STPG2: variants seen among roughly 807,000 people sequenced by gnomAD.
STPG2 encodes the protein sperm-tail PG-rich repeat-containing protein 2.
STPG2 carries 56 observed loss-of-function variants against 54.2 expected under a neutral mutation model. That is an observed-to-expected ratio of 1.03 (90% CI 0.83 to 1.29). The LOEUF (loss-of-function observed/expected upper bound fraction) is 1.29. STPG2 is among the 50% of genes most tolerant of loss of function. STPG2 has a pLI of 0.00. For synonymous variants in STPG2, 200 were observed against 181.8 expected (o/e 1.10, Z -0.81); for missense variants, 596 against 544.9 (o/e 1.09, Z -0.93).
In STPG2 at chr4:98,020,136, A is replaced by G. The variant is rs1168635037; in HGVS notation, c.613-38818T>C. 1.1e-3 allele frequency among the ~76,000 whole-genome samples: 138 copies of G among 129,954 alleles called. 3 individuals are homozygous for G. The highest frequency in any genetic ancestry group is 3.9e-3 in the African/African-American group (128 of 33,010). 85.3% of individuals were successfully genotyped at this position (129,954 alleles called of 152,430 possible). Reference sequence around the variant, plus strand: ...TGCTTCCAGTTTTTGCCCATTCAGTATGAGATTGGCTGTGGGTTTGTCATA... The same window carrying G: ...TGCTTCCAGTTTTTGCCCATTCAGTGTGAGATTGGCTGTGGGTTTGTCATA... On this transcript the variant is annotated intron_variant, in intron 5 of 10. Coordinates refer to ENST00000295268, the MANE Select transcript of STPG2 (RefSeq NM_174952.3).
chr4:97,897,612 T>C (rs1185517655), intron 8 of STPG2, among the ~76,000 whole-genome samples: 1 of 152,006 alleles, frequency 6.6e-6, no homozygotes, highest in African/African-American at 2.4e-5. Context: ...ACTGGTGTGA[T>C]ATGGTATCTC....
chr4:97,470,857 G>A (rs1729907241), intron 4 of STPG2, among the ~76,000 whole-genome samples: 2 of 152,082 alleles, frequency 1.3e-5, no homozygotes, highest in African/African-American at 4.8e-5. Flanking sequence ...ATGAGATGAA[G>A]TGAGGTGAAT....
In STPG2 at chr4:97,840,808, G is replaced by A. The variant is rs770249629; in HGVS notation, c.1169C>T (p.Thr390Ile). ...KRKHASFLSA[T>I]PRCLEKVTDG... The stretch of plus-strand genomic sequence containing the variant: ...AGTCACTTTTTCTAGGCACCGAGGA[G>A]TTGCACTAAGAAAAGAGGCATGTTT... The change falls in exon 9 of 11, where the codon ACT becomes ATT. Residue 390 changes from threonine (T) to isoleucine (I), a missense_variant. Thr to Ile is a moderately conservative substitution (Grantham distance 89, BLOSUM62 -1). Coordinates refer to ENST00000295268, the MANE Select transcript of STPG2 (RefSeq NM_174952.3). The A allele has an allele frequency of 5.0e-6, 8 of 1,611,820 alleles. No individual in the cohort carries two copies. Among genetic ancestry groups the A allele is most frequent in the Non-Finnish European group, 6.8e-6 (8 of 1,178,422 alleles).
At chr4:97,960,359 C>A (rs1456659487) in intron 7 of STPG2, among the ~76,000 whole-genome samples, 2 of 152,012 alleles carry the variant, frequency 1.3e-5, no homozygotes, top group Non-Finnish European at 2.9e-5. Context: ...AGCAATCAGA[C>A]AACAGAAAGA....
intron 4 of STPG2, among the ~76,000 whole-genome samples, chr4:98,108,945 G>T (rs1739267077): frequency 6.6e-6 from 1 of 151,908 alleles, no homozygotes. Flanking sequence ...TGGGTTGATG[G>T]GTGCAGCAAA....
intron 9 of STPG2, among the ~76,000 whole-genome samples, chr4:97,725,641 T>A (rs1477566634): frequency 2.0e-5 from 3 of 150,728 alleles, no homozygotes; most frequent in African/African-American, 7.3e-5. Flanking sequence ...AGAGAAAAAA[T>A]ATGAAAGATA....
intron 9 of STPG2, among the ~76,000 whole-genome samples, chr4:97,744,682 C>T (rs1467336578): frequency 6.6e-6 from 1 of 151,146 alleles, no homozygotes; most frequent in Non-Finnish European, 1.5e-5. Flanking sequence ...TATAAATTGG[C>T]ACAGCAGGAA....
chr4:97,552,808 C>G lies in STPG2; in HGVS notation c.462+159891G>C, dbSNP rs528415806. Among the ~76,000 whole-genome samples the G allele has an allele frequency of 3.3e-5, 5 of 152,076 alleles. No homozygotes were observed. The South Asian group carries it at 1.0e-3, about 32-fold the overall frequency. On this transcript the variant is annotated intron_variant, in intron 4 of 4. Coordinates refer to the STPG2 transcript ENST00000522676. ...GGAGCAAATACAAGAACACTTTTTT[C>G]AAGTTCTCAATGCATCCGAGCAGTT...
At chr4:98,133,416 C>T (rs1041963555) in intron 2 of STPG2, among the ~76,000 whole-genome samples, 7 of 151,932 alleles carry the variant, frequency 4.6e-5, no homozygotes, top group South Asian at 2.1e-4. Context: ...CTATCTCTAG[C>T]GGGTACCTTA....
At chr4:97,521,967 T>C (rs1174045650) in intron 4 of STPG2, among the ~76,000 whole-genome samples, 1 of 151,888 alleles carries the variant, frequency 6.6e-6, no homozygotes, top group Non-Finnish European at 1.5e-5. Flanking sequence ...AAGTATATCT[T>C]ATTAAAAATA....
intron 10 of STPG2, among the ~76,000 whole-genome samples, chr4:97,650,762 T>C (rs1159855206): frequency 2.0e-5 from 3 of 152,144 alleles, no homozygotes; most frequent in Non-Finnish European, 2.9e-5. Context: ...GCTATGTTAA[T>C]AGAGATTCTT....
intron 4 of STPG2, among the ~76,000 whole-genome samples, chr4:97,533,257 A>G (rs895578459): frequency 4.6e-5 from 7 of 152,216 alleles, no homozygotes; most frequent in South Asian, 2.1e-4. Flanking sequence ...AGGGACTCAA[A>G]ATACTATTCA....
At chr4:98,130,541 G>A (rs1160138817) in intron 2 of STPG2, among the ~76,000 whole-genome samples, 1 of 152,030 alleles carries the variant, frequency 6.6e-6, no homozygotes, top group East Asian at 1.9e-4. Context: ...TAATACCTAT[G>A]GGATTAATTA....
intron 8 of STPG2, among the ~76,000 whole-genome samples, chr4:97,909,988 C>T (rs891314695): frequency 1.3e-5 from 2 of 152,060 alleles, no homozygotes; most frequent in Admixed American, 1.3e-4. Flanking sequence ...AGTCACTTTC[C>T]ATAGATTATA....
intron 9 of STPG2, among the ~76,000 whole-genome samples, chr4:97,776,289 G>C (rs1726373467): frequency 1.3e-5 from 2 of 152,052 alleles, no homozygotes; most frequent in South Asian, 2.1e-4. Flanking sequence ...TTTTACAGAT[G>C]ACAATATTGA....
intron 3 of STPG2, among the ~76,000 whole-genome samples, chr4:98,120,689 T>C (rs1056829031): frequency 3.9e-5 from 6 of 152,232 alleles, no homozygotes; most frequent in Non-Finnish European, 8.8e-5. Context: ...TATATGCTTG[T>C]TGGCTACACA....
chr4:98,062,344 G>GCTGGGCTTAA (rs1737686735), intron 5 of STPG2, among the ~76,000 whole-genome samples: 1 of 152,020 alleles, frequency 6.6e-6, no homozygotes, highest in Admixed American at 6.6e-5. Flanking sequence ...GACAACTATT[G>GCTGGGCTTAA]GGTACTGGGC....
intron 5 of STPG2, among the ~76,000 whole-genome samples, chr4:98,071,973 G>A (rs1460508394): frequency 2.6e-5 from 4 of 152,194 alleles, no homozygotes; most frequent in Non-Finnish European, 5.9e-5. Flanking sequence ...GTGTAAACTA[G>A]TTCAACCATT....
In STPG2 at chr4:97,473,351, C is replaced by T. The variant is rs190229673; in HGVS notation, c.462+239348G>A. 7.1e-3 allele frequency among the ~76,000 whole-genome samples: 1,077 copies of T among 152,174 alleles called. 8 individuals carry two copies. The highest frequency in any genetic ancestry group is 0.025 in the African/African-American group (1,027 of 41,516). ...AGGAACATCCCTGAGAAAGAGAATG[C>T]GCCCCTGAGGGTAGGCCTCGAAAAT... On this transcript the variant is annotated intron_variant, in intron 4 of 4. Coordinates refer to the STPG2 transcript ENST00000522676.
Sources: allele counts gnomAD v4.1 joint callset (sites outside exome capture counted in the v4.1 genomes callset), GRCh38; gene constraint gnomAD v4.1.1; transcripts MANE v1.5; gene names NCBI Gene and HGNC (gene_info 2026-07-23, HGNC 2026-07-21).